The following PLEKHG1 variants were observed in gnomAD, a reference collection of about 807,000 sequenced individuals.
PLEKHG1 encodes pleckstrin homology domain-containing family G member 1.
In PLEKHG1, 44 loss-of-function variants were observed where a neutral mutation model predicts 100.8. The ratio of observed to expected loss-of-function variants is 0.44; its 90% CI spans 0.34 to 0.56. The LOEUF is 0.56. PLEKHG1 is among the 20% of genes least tolerant of loss of function. PLEKHG1 has a pLI of 0.01. For synonymous variants in PLEKHG1, 640 were observed against 662.5 expected (o/e 0.97, Z 0.52); for missense variants, 1,545 against 1,720.9 (o/e 0.90, Z 1.81).
intron 2 of PLEKHG1, among the ~76,000 whole-genome samples, chr6:150,642,444 T>A (rs1270355790): frequency 6.6e-6 from 1 of 152,244 alleles, no homozygotes; most frequent in African/African-American, 2.4e-5. Flanking sequence ...TTTTCCTTAT[T>A]TATGCCTGGA....
At chr6:150,674,680 T>TCTCCCC (rs1779693724) in intron 3 of PLEKHG1, among the ~76,000 whole-genome samples, 1 of 132,788 alleles carries the variant, frequency 7.5e-6, no homozygotes, top group Non-Finnish European at 1.6e-5. Flanking sequence ...TCTCTCTCTC[T>TCTCCCC]CTCCCCCCTC....
intron 3 of PLEKHG1, among the ~76,000 whole-genome samples, chr6:150,687,804 A>T (rs752126227): frequency 6.6e-5 from 10 of 152,222 alleles, no homozygotes; most frequent in Non-Finnish European, 1.2e-4. Flanking sequence ...GTGTTCTTGC[A>T]TTTCAACAAA....
chr6:150,744,982 G>C (rs1783076679), intron 2 of PLEKHG1, among the ~76,000 whole-genome samples: 1 of 152,194 alleles, frequency 6.6e-6, no homozygotes, highest in African/African-American at 2.4e-5. Flanking sequence ...AGATGATAGA[G>C]GGAAAGAGCT....
chr6:150,839,974 G>T (rs1280559413), exon 16 of PLEKHG1: 4 of 1,613,934 alleles, frequency 2.5e-6, no homozygotes, highest in Admixed American at 1.7e-5. Flanking sequence ...GTCCACCATG[G>T]TAGTGGAGAC....
chr6:150,826,055 G>C (rs896733739), intron 14 of PLEKHG1, among the ~76,000 whole-genome samples: 1 of 152,018 alleles, frequency 6.6e-6, no homozygotes, highest in Admixed American at 6.6e-5. Flanking sequence ...GTCGTGGGCG[G>C]CTGTAATCCC....
chr6:150,755,402 G>A (rs543863912), intron 2 of PLEKHG1, among the ~76,000 whole-genome samples: 2 of 152,178 alleles, frequency 1.3e-5, no homozygotes, highest in African/African-American at 2.4e-5. Context: ...ATTGCCAGTG[G>A]CAGAGAATGG....
intron 3 of PLEKHG1, among the ~76,000 whole-genome samples, chr6:150,671,389 C>T (rs575293896): frequency 6.6e-6 from 1 of 152,180 alleles, no homozygotes; most frequent in African/African-American, 2.4e-5. Context: ...ACTGCATCCA[C>T]ACCATATGTT....
At position 150,628,575 on chromosome 6, in the gene PLEKHG1, C is replaced by CACACACACACACAT. The variant is rs754227842; in HGVS notation, c.-203-9503_-203-9502insACACACACACATAC. 8.7e-3 allele frequency among the ~76,000 whole-genome samples: 1,189 copies of CACACACACACACAT among 137,370 alleles called. 61 individuals are homozygous for CACACACACACACAT. Among genetic ancestry groups the CACACACACACACAT allele is most frequent in the African/African-American group, 0.011 (399 of 37,682 alleles). The allele number at this position is 137,370 out of a possible 152,430, so 90.1% of individuals were successfully genotyped here. ...ACACACACACACACACACACACACA[C>CACACACACACACAT]ACCCCGTCCTTGCCCTCCTGCACTG... On this transcript the variant is annotated intron_variant, in intron 1 of 3. Coordinates refer to the PLEKHG1 transcript ENST00000367326.
rs181090646 is a variant in PLEKHG1 at position 150,687,638 on chromosome 6, C to T, written c.-99+36852C>T. Among the ~76,000 whole-genome samples, 517 of 152,158 alleles carry T rather than the reference C, an allele frequency of 3.4e-3. 15 individuals carry two copies. The highest frequency in any genetic ancestry group is 0.032 in the Admixed American group (485 of 15,280). On this transcript the variant is annotated intron_variant, in intron 3 of 3. Transcript: ENST00000367326. ...CTAGAAGGGAGCTCTTTGGTCTTGC[C>T]GACGATGGACCCATGGGAGGAACAC...
chr6:150,663,967 T>A (rs1334922056), intron 3 of PLEKHG1: 1 of 152,240 alleles, frequency 6.6e-6, no homozygotes. Context: ...CTTTGTACTG[T>A]GATAGCAACT....
At chr6:150,611,811 C>CAAAAA (rs35351890) in intron 1 of PLEKHG1, among the ~76,000 whole-genome samples, 9,128 of 121,330 alleles carry the variant, frequency 0.075, 386 homozygotes, top group Non-Finnish European at 0.11. Context: ...GACTCCATCT[C>CAAAAA]AAAAAAAAAA....
intron 2 of PLEKHG1, among the ~76,000 whole-genome samples, chr6:150,643,030 C>T (rs1582869802): frequency 6.6e-6 from 1 of 152,132 alleles, no homozygotes; most frequent in African/African-American, 2.4e-5. Flanking sequence ...ATCCCCAGTT[C>T]TTTGGCCAGC....
chr6:150,717,728 A>T (rs753563846), upstream of PLEKHG1, among the ~76,000 whole-genome samples: 10 of 152,208 alleles, frequency 6.6e-5, no homozygotes, highest in Non-Finnish European at 1.3e-4. Context: ...GGGTATCTTT[A>T]TCACCTAACA....
At chr6:150,634,019 A>AG (rs149261929) in intron 1 of PLEKHG1, among the ~76,000 whole-genome samples, 21,738 of 151,888 alleles carry the variant, frequency 0.14, 1,614 homozygotes, top group South Asian at 0.21. Flanking sequence ...AGGCAGGCGA[A>AG]TCACCTGAGA....
intron 10 of PLEKHG1, among the ~76,000 whole-genome samples, 156 bp downstream of exon 11, chr6:150,809,890 T>C (rs1265466096): frequency 2.0e-5 from 1 of 48,864 alleles, no homozygotes; most frequent in Non-Finnish European, 4.2e-5. Context: ...AGAGACTGGG[T>C]CAAAAAAAAA....
intron 3 of PLEKHG1, among the ~76,000 whole-genome samples, chr6:150,701,120 G>A (rs1405421526): frequency 6.6e-6 from 1 of 151,830 alleles, no homozygotes; most frequent in African/African-American, 2.4e-5. Flanking sequence ...AGGAGTTTGA[G>A]ACCCACGTGG....
In PLEKHG1 at chr6:150,821,198, C is replaced by T. The variant is rs1323701036; in HGVS notation, c.1412C>T (p.Pro471Leu). ...CTGGCTTTGTTTTGTCTCCCAGAAC[C>T]TTCCTCACGGTCACATAAAGTTTTG... Residue 471 changes from proline (P) to leucine (L), a missense_variant, in exon 13 of 16, where the codon CCT becomes CTT. Transcript: ENST00000358517. 6.2e-7 allele frequency: 1 copy of T among 1,612,974 alleles called. No individual in the cohort carries two copies. The highest frequency in any genetic ancestry group is 2.2e-5 in the East Asian group (1 of 44,862).
At chr6:150,779,347 T>TGTTTTTTTTTTTG (rs10653471) in intron 3 of PLEKHG1, among the ~76,000 whole-genome samples, 1 of 128,376 alleles carries the variant, frequency 7.8e-6, no homozygotes, top group African/African-American at 3.1e-5. Context: ...TCAAGAAGTT[T>TGTTTTTTTTTTTG]TTTTTTTTTT....
At chr6:150,635,633 C>A (rs942292549) in intron 1 of PLEKHG1, among the ~76,000 whole-genome samples, 2 of 152,120 alleles carry the variant, frequency 1.3e-5, no homozygotes, top group East Asian at 3.8e-4. Context: ...TTCCAGTGAG[C>A]TGTGTATGTG....
Sources: gnomAD v4.1 joint callset for allele counts (sites outside exome capture counted in the v4.1 genomes callset) on GRCh38, gnomAD v4.1.1 for gene constraint, MANE v1.5 for transcripts, NCBI Gene and HGNC (gene_info 2026-07-23, HGNC 2026-07-21) for gene names.